LRP1B: variants seen among roughly 807,000 people sequenced by gnomAD.
LRP1B encodes low-density lipoprotein receptor-related protein 1B.
LRP1B carries 217 observed loss-of-function variants against 556.6 expected under a neutral mutation model. That is an observed-to-expected ratio of 0.39 (90% CI 0.35 to 0.44). The LOEUF (loss-of-function observed/expected upper bound fraction) is 0.44, where lower values mean the gene tolerates loss of function less well. LRP1B is among the 20% of genes least tolerant of loss of function. The pLI is 1.00. For missense variants in LRP1B, 5,053 were observed against 5,620.8 expected, an observed-to-expected ratio of 0.90 and a Z score of 3.23; for synonymous variants, 2,047 against 1,865.8, an observed-to-expected ratio of 1.10 and a Z score of -2.50.
chr2:140,441,217 A>G (rs546677314), intron 66 of LRP1B, among the ~76,000 whole-genome samples: 1 of 152,316 alleles, frequency 6.6e-6, no homozygotes, highest in African/African-American at 2.4e-5. Context: ...GGAGAGGAAA[A>G]TACAGAAATA....
intron 25 of LRP1B, among the ~76,000 whole-genome samples, chr2:140,880,091 C>G (rs935232492): frequency 2.0e-5 from 3 of 152,086 alleles, no homozygotes; most frequent in African/African-American, 7.2e-5. Context: ...ATTACTACTT[C>G]TACTTTCACC....
intron 1 of LRP1B, among the ~76,000 whole-genome samples, chr2:142,097,068 C>A (rs896911718): frequency 6.3e-4 from 91 of 144,540 alleles, no homozygotes; most frequent in African/African-American, 2.2e-3. Flanking sequence ...AAAAAAAAAA[C>A]CCCGGTTTAC....
At chr2:140,945,672 T>C (rs1695521296) in intron 20 of LRP1B, among the ~76,000 whole-genome samples, 1 of 151,970 alleles carries the variant, frequency 6.6e-6, no homozygotes, top group Non-Finnish European at 1.5e-5. Context: ...AAGAATGAAA[T>C]TGTAGCCCTA....
At chr2:141,303,276 G>T (rs1260234532) in intron 3 of LRP1B, among the ~76,000 whole-genome samples, 1 of 152,036 alleles carries the variant, frequency 6.6e-6, no homozygotes, top group Admixed American at 6.5e-5. Context: ...ATTTCTATGT[G>T]TTGAGAACAT....
intron 14 of LRP1B, among the ~76,000 whole-genome samples, chr2:141,012,868 A>T (rs1438581173): frequency 6.6e-6 from 1 of 151,838 alleles, no homozygotes; most frequent in African/African-American, 2.4e-5. Flanking sequence ...TATGTCTATT[A>T]AAAAAAGGAA....
chr2:141,907,395 TAA>T (rs1297477007), intron 1 of LRP1B, among the ~76,000 whole-genome samples: 1 of 152,012 alleles, frequency 6.6e-6, no homozygotes, highest in Non-Finnish European at 1.5e-5. Context: ...ATATAATTTT[TAA>T]AAGTCAGTAC....
At chr2:140,886,816 G>C (rs1339025120) in intron 23 of LRP1B, among the ~76,000 whole-genome samples, 2 of 152,120 alleles carry the variant, frequency 1.3e-5, no homozygotes. Flanking sequence ...TATAGTTAGG[G>C]AGTGCTTCCA....
intron 57 of LRP1B, among the ~76,000 whole-genome samples, chr2:140,492,165 G>A (rs1688727557): frequency 6.6e-6 from 1 of 152,232 alleles, no homozygotes; most frequent in South Asian, 2.1e-4. Context: ...CTACTAGCTA[G>A]TGAATATTTA....
At chr2:140,840,896 T>A (rs75871536) in intron 30 of LRP1B, 22 bp downstream of exon 30, 7 of 1,407,074 alleles carry the variant, frequency 5.0e-6, no homozygotes, top group South Asian at 2.6e-5. Context: ...GGAAAAACTT[T>A]AAAAAAAAAA....
chr2:141,459,769 G>A (rs1190762840), intron 3 of LRP1B, among the ~76,000 whole-genome samples: 3 of 152,214 alleles, frequency 2.0e-5, no homozygotes, highest in South Asian at 2.1e-4. Flanking sequence ...GGCCTCCCCC[G>A]CCACATGGAA....
chr2:140,680,445 C>G (rs754401802), intron 41 of LRP1B, among the ~76,000 whole-genome samples: 16 of 152,080 alleles, frequency 1.1e-4, no homozygotes, highest in Non-Finnish European at 2.1e-4. Context: ...ACAAAAAGAG[C>G]AATAAACTCT....
At position 141,658,579 on chromosome 2, in the gene LRP1B, G is replaced by T. The variant is rs117120969; in HGVS notation, c.205+151700C>A. ...AACTATTTTTCATCTTACCTGTCGG[G>T]TGAATGCAGCTATACAACTCCCGCT... is the stretch of plus-strand genomic sequence containing the variant. On this transcript the variant is annotated intron_variant, in intron 2 of 90. Coordinates refer to ENST00000389484, the MANE Select transcript of LRP1B (RefSeq NM_018557.3). Among the ~76,000 whole-genome samples the T allele has an allele frequency of 3.8e-3, 578 of 152,274 alleles. 6 individuals are homozygous for T. The highest frequency in any genetic ancestry group is 0.024 in the Admixed American group (369 of 15,292).
At chr2:141,862,093 A>G (rs193291749) in intron 1 of LRP1B, among the ~76,000 whole-genome samples, 14 of 152,314 alleles carry the variant, frequency 9.2e-5, no homozygotes, top group East Asian at 5.8e-4. Context: ...AATACAAACT[A>G]CAAAATAAAC....
intron 41 of LRP1B, among the ~76,000 whole-genome samples, chr2:140,629,702 A>C (rs552877012): frequency 6.6e-6 from 1 of 152,326 alleles, no homozygotes; most frequent in African/African-American, 2.4e-5. Context: ...CTACAAACAC[A>C]TGTAAAGCAA....
At chr2:142,070,952 T>C (rs1705290862) in intron 1 of LRP1B, among the ~76,000 whole-genome samples, 1 of 151,946 alleles carries the variant, frequency 6.6e-6, no homozygotes, top group African/African-American at 2.4e-5. Flanking sequence ...TCATGCATCC[T>C]CTTTCATTCA....
chr2:140,608,970 T>G lies in LRP1B; in HGVS notation c.6800-7331A>C, dbSNP rs1682970544. On this transcript the variant is annotated intron_variant, in intron 41 of 90. Coordinates refer to ENST00000389484, the MANE Select transcript of LRP1B (RefSeq NM_018557.3). Reference sequence around the variant, plus strand: ...TCAGACATGTCTCAAGAATTGCCTCTATTTCATGTCACTACTACTGGAAGG... The same window carrying G: ...TCAGACATGTCTCAAGAATTGCCTCGATTTCATGTCACTACTACTGGAAGG... 3.3e-5 allele frequency among the ~76,000 whole-genome samples: 5 copies of G among 152,338 alleles called. No individual in the cohort carries two copies. The South Asian group carries it at 1.0e-3, about 32-fold the overall frequency.
chr2:140,475,482 C>A, intron 59 of LRP1B, 145 bp from the exon 60 acceptor site: 1 of 532,702 alleles, frequency 1.9e-6, no homozygotes, highest in Non-Finnish European at 3.3e-6. Context: ...TCCTTTGATG[C>A]AAAATTTCTT....
intron 41 of LRP1B, among the ~76,000 whole-genome samples, chr2:140,660,819 C>T (rs1473000746): frequency 1.3e-5 from 2 of 150,882 alleles, no homozygotes; most frequent in Admixed American, 6.6e-5. Context: ...ATTTTACCTG[C>T]TGTCTTTCCA....
intron 10 of LRP1B, among the ~76,000 whole-genome samples, chr2:141,050,675 A>C (rs1699010692): frequency 6.6e-6 from 1 of 152,134 alleles, no homozygotes; most frequent in South Asian, 2.1e-4. Context: ...AAACCATAAA[A>C]ATCCTAGAAT....
Sources: allele counts gnomAD v4.1 joint callset (sites outside exome capture counted in the v4.1 genomes callset), GRCh38; gene constraint gnomAD v4.1.1; transcripts MANE v1.5; gene names NCBI Gene and HGNC (gene_info 2026-07-23, HGNC 2026-07-21).